Variants in STIM2 observed in about 807,000 individuals in gnomAD.
The protein encoded by STIM2 is stromal interaction molecule 2.
STIM2 carries 31 observed loss-of-function variants against 85.8 expected under a neutral mutation model. The observed-to-expected ratio is 0.36, with a 90% CI of 0.27 to 0.49. The LOEUF (loss-of-function observed/expected upper bound fraction) is 0.49, where lower values mean the gene tolerates loss of function less well. STIM2 is among the 20% of genes least tolerant of loss of function. STIM2 has a pLI of 0.98. For missense variants in STIM2, 841 were observed against 927.6 expected, an observed-to-expected ratio of 0.91 and a Z score of 1.21; for synonymous variants, 356 against 331.1, an observed-to-expected ratio of 1.08 and a Z score of -0.82.
chr4:26,933,150 A>G (rs1725264250), intron 2 of STIM2, among the ~76,000 whole-genome samples: 1 of 151,764 alleles, frequency 6.6e-6, no homozygotes, highest in Non-Finnish European at 1.5e-5. Flanking sequence ...CGCAAGTCAT[A>G]GGCCAGCACT....
At chr4:26,881,051 A>C (rs1722997231) in intron 1 of STIM2, among the ~76,000 whole-genome samples, 1 of 152,150 alleles carries the variant, frequency 6.6e-6, no homozygotes, top group South Asian at 2.1e-4. Context: ...TGTCTCCTCA[A>C]AATTTATATG....
chr4:26,928,095 T>C (rs780078716), intron 2 of STIM2, among the ~76,000 whole-genome samples: 6 of 151,842 alleles, frequency 4.0e-5, no homozygotes, highest in Admixed American at 6.6e-5. Flanking sequence ...GTTTTCTTTT[T>C]ATGGGGTGGA....
chr4:26,982,602 T>C (rs576527808), intron 3 of STIM2, among the ~76,000 whole-genome samples: 5 of 152,188 alleles, frequency 3.3e-5, no homozygotes, highest in Non-Finnish European at 7.3e-5. Flanking sequence ...CATTGTGTTA[T>C]GTCTTAACCT....
At chr4:26,862,159 A>G (rs746493091) in intron 1 of STIM2, among the ~76,000 whole-genome samples, 2 of 152,170 alleles carry the variant, frequency 1.3e-5, no homozygotes, top group Non-Finnish European at 2.9e-5. Context: ...TCATAATTGA[A>G]AACTTGGAAA....
At chr4:27,006,945 CAGTA>C (rs1728383295) in intron 7 of STIM2, among the ~76,000 whole-genome samples, 1 of 152,060 alleles carries the variant, frequency 6.6e-6, no homozygotes, top group African/African-American at 2.4e-5. Flanking sequence ...TACTTGGAAA[CAGTA>C]AGAAATAACT....
chr4:27,012,111 C>A (rs989623923), intron 10 of STIM2, among the ~76,000 whole-genome samples: 7 of 152,088 alleles, frequency 4.6e-5, no homozygotes, highest in African/African-American at 1.7e-4. Flanking sequence ...AATACCACTT[C>A]TCTCCATAGA....
Position 26,948,970 on chromosome 4 carries a change from G to A in STIM2, c.283-8642G>A, listed in dbSNP as rs547088117. Among the ~76,000 whole-genome samples, 170 of 152,140 alleles carry A rather than the reference G, an allele frequency of 1.1e-3. 1 individual carries two copies. The highest frequency in any genetic ancestry group is 4.0e-3 in the African/African-American group (165 of 41,512). On this transcript the variant is annotated intron_variant, in intron 2 of 11. Transcript: ENST00000467087. ...TAATGACTATTAAGTGGTGATGATAGGTAAGGCACACCCTAGTGAATTGAC... is the reference window on the plus strand; with the variant it reads ...TAATGACTATTAAGTGGTGATGATAAGTAAGGCACACCCTAGTGAATTGAC...
intron 1 of STIM2, among the ~76,000 whole-genome samples, chr4:26,892,397 G>A (rs76791067): frequency 0.024 from 3,623 of 152,220 alleles, 147 homozygotes; most frequent in African/African-American, 0.083. Flanking sequence ...CAGAGAGAGC[G>A]AGTGAGCTCC....
chr4:26,911,151 C>T (rs564096221), intron 1 of STIM2, among the ~76,000 whole-genome samples: 24 of 151,890 alleles, frequency 1.6e-4, no homozygotes, highest in Non-Finnish European at 3.2e-4. Context: ...GCAGGAGAAT[C>T]GCTTGAACCC....
intron 4 of STIM2, among the ~76,000 whole-genome samples, chr4:26,997,884 G>A (rs1435035798): frequency 6.6e-6 from 1 of 152,182 alleles, no homozygotes; most frequent in Non-Finnish European, 1.5e-5. Flanking sequence ...TTTTATAGAA[G>A]CCTCATAGGA....
intron 3 of STIM2, among the ~76,000 whole-genome samples, chr4:26,984,532 G>A (rs1393508293): frequency 6.6e-6 from 1 of 151,954 alleles, no homozygotes; most frequent in African/African-American, 2.4e-5. Context: ...GGCTAATTTT[G>A]TTTTGTATTT....
In STIM2 at chr4:27,017,779, G is replaced by A. The variant is rs765413572; in HGVS notation, c.1558G>A (p.Val520Met). The stretch of plus-strand genomic sequence containing the variant: ...CCTGTGCCGTTCACGCCGCAGCATT[G>A]TGCCGTCCTCGCCTCAGCCTCAGCG... Residue 520 changes from valine to methionine, a missense_variant, in exon 11 of 12, where the codon GTG becomes ATG. Val to Met is a conservative substitution (Grantham distance 21, BLOSUM62 1). This residue lies in a region of STIM2 where 293 missense variants were observed against 284.5 expected (regional missense o/e 1.03). Coordinates refer to ENST00000467087, the MANE Select transcript of STIM2 (RefSeq NM_020860.4). 4 of 1,614,082 alleles carry A rather than the reference G, an allele frequency of 2.5e-6. No individual in the cohort carries two copies. Among genetic ancestry groups the A allele is most frequent in the Non-Finnish European group, 2.5e-6 (3 of 1,180,020 alleles).
Position 27,023,004 on chromosome 4 carries a change from G to A in STIM2, c.*8G>A. On this transcript the variant is annotated 3_prime_UTR_variant, in exon 12 of 12. Coordinates refer to ENST00000467087, the MANE Select transcript of STIM2 (RefSeq NM_020860.4). Reference sequence around the variant, plus strand: ...AAGAAGAAATCTAAGTGAACTGGCTGACTTGATGGAATCATGTTCAAGTGG... The same window carrying A: ...AAGAAGAAATCTAAGTGAACTGGCTAACTTGATGGAATCATGTTCAAGTGG... 2 of 1,604,134 alleles carry A rather than the reference G, an allele frequency of 1.2e-6. No individual in the cohort carries two copies. Among genetic ancestry groups the A allele is most frequent in the South Asian group, 1.1e-5 (1 of 90,746 alleles).
chr4:27,020,573 T>A (rs1168913732), intron 11 of STIM2, among the ~76,000 whole-genome samples: 1 of 152,216 alleles, frequency 6.6e-6, no homozygotes, highest in Non-Finnish European at 1.5e-5. Flanking sequence ...ACGATCTTCA[T>A]AGACATATGT....
chr4:26,949,409 C>A (rs1423641985), intron 2 of STIM2, among the ~76,000 whole-genome samples: 14 of 151,960 alleles, frequency 9.2e-5, no homozygotes, highest in Admixed American at 8.5e-4. Context: ...TAGTAAAATT[C>A]TTTTATTGGT....
intron 3 of STIM2, among the ~76,000 whole-genome samples, chr4:26,965,439 CAG>C (rs1485595781): frequency 2.0e-5 from 3 of 152,104 alleles, no homozygotes; most frequent in Non-Finnish European, 4.4e-5. Context: ...GTACTTCATA[CAG>C]AGTTTGCTCC....
At chr4:27,017,628 G>A in intron 10 of STIM2, 83 bp from the exon 11 acceptor site, 1 of 1,527,966 alleles carries the variant, frequency 6.5e-7, no homozygotes, top group Non-Finnish European at 9.0e-7. Flanking sequence ...AGTGACATCA[G>A]TTCTCTTGTG....
intron 1 of STIM2, 187 bp downstream of exon 1, chr4:26,861,556 ACC>A: frequency 1.1e-6 from 1 of 911,996 alleles, no homozygotes; most frequent in Non-Finnish European, 1.4e-6. Context: ...TCACCCCGAC[ACC>A]CCGCCCTCGC....
In STIM2 at chr4:27,003,081, T is replaced by A; in HGVS notation, c.958T>A (p.Tyr320Asn). ...TGAATGTGAATTGAGTAGACGTCAGTATGCAGAACAGGAATTGGAACAGGT... is the reference window on the plus strand; with the variant it reads ...TGAATGTGAATTGAGTAGACGTCAGAATGCAGAACAGGAATTGGAACAGGT... The change falls in exon 7 of 12, where the codon TAT (tyrosine) becomes AAT (asparagine). Residue 320 changes from tyrosine (Y) to asparagine (N), a missense_variant. Physicochemically the swap from Tyr to Asn is moderately radical, Grantham distance 143. Transcript: ENST00000467087. 2 of 1,584,588 alleles carry A rather than the reference T, an allele frequency of 1.3e-6. No homozygotes were observed. The highest frequency in any genetic ancestry group is 1.7e-6 in the Non-Finnish European group (2 of 1,169,618).
Sources: allele counts gnomAD v4.1 joint callset (sites outside exome capture counted in the v4.1 genomes callset), GRCh38; gene constraint gnomAD v4.1.1; regional missense constraint gnomAD v4.1.1; transcripts MANE v1.5; gene names NCBI Gene and HGNC (gene_info 2026-07-23, HGNC 2026-07-21).